ERICH6: variants seen among roughly 807,000 people sequenced by gnomAD.
The protein encoded by ERICH6 is glutamate rich 6.
In ERICH6, 71 loss-of-function variants were observed where a neutral mutation model predicts 71.0. The ratio of observed to expected loss-of-function variants is 1.00; its 90% CI spans 0.83 to 1.22. The LOEUF is 1.22. Ranked by LOEUF, ERICH6 falls within the 50% of genes most tolerant of loss-of-function variation. ERICH6 has a pLI of 0.00. For synonymous variants in ERICH6, 262 were observed against 278.4 expected, an observed-to-expected ratio of 0.94 and a Z score of 0.59; for missense variants, 808 against 797.2, an observed-to-expected ratio of 1.01 and a Z score of -0.16.
chr3:150,691,458 G>C (rs1271682604), intron 3 of ERICH6, among the ~76,000 whole-genome samples: 2 of 152,148 alleles, frequency 1.3e-5, no homozygotes, highest in East Asian at 3.9e-4. Flanking sequence ...AAAATAAAGA[G>C]GTTTATTTGT....
intron 12 of ERICH6, among the ~76,000 whole-genome samples, chr3:150,668,637 G>A (rs1015158293): frequency 6.6e-6 from 1 of 152,178 alleles, no homozygotes; most frequent in African/African-American, 2.4e-5. Context: ...AGAGGTTCCC[G>A]AGATGAGATT....
chr3:150,692,537 T>C (rs185136707), intron 3 of ERICH6, among the ~76,000 whole-genome samples: 1 of 152,292 alleles, frequency 6.6e-6, no homozygotes, highest in Non-Finnish European at 1.5e-5. Flanking sequence ...GCTTATTTGG[T>C]ATAAAAATTA....
intron 3 of ERICH6, among the ~76,000 whole-genome samples, chr3:150,698,108 C>CT (rs1397622818): frequency 6.6e-6 from 1 of 152,202 alleles, no homozygotes; most frequent in Admixed American, 6.5e-5. Flanking sequence ...TTTCCAACCC[C>CT]TTCCCTGCTT....
intron 6 of ERICH6, 83 bp from the exon 7 acceptor site, chr3:150,682,399 G>T (rs1712006299): frequency 8.1e-6 from 8 of 983,114 alleles, no homozygotes; most frequent in Non-Finnish European, 1.3e-5. Flanking sequence ...ACGACCCTGG[G>T]CATGGTCAGT....
chr3:150,681,042 G>T, intron 7 of ERICH6, 112 bp from the exon 8 acceptor site: 3 of 1,084,202 alleles, frequency 2.8e-6, no homozygotes, highest in South Asian at 2.2e-5. Flanking sequence ...TTTTTATTCT[G>T]GTAATAGCTT....
At chr3:150,672,255 T>TTATATATATATATATATATATATA (rs929327217) in intron 11 of ERICH6, among the ~76,000 whole-genome samples, 1 of 82,178 alleles carries the variant, frequency 1.2e-5, no homozygotes, top group East Asian at 4.6e-4. Context: ...AAGAATCCAT[T>TTATATATATATATATATATATATA]TATATATACA....
intron 3 of ERICH6, among the ~76,000 whole-genome samples, chr3:150,696,248 T>C (rs567048921): frequency 1.1e-5 from 1 of 92,458 alleles, no homozygotes; most frequent in Non-Finnish European, 2.9e-5. Flanking sequence ...GAGACAAAAT[T>C]TGGGGGAAAA....
intron 13 of ERICH6, among the ~76,000 whole-genome samples, chr3:150,664,446 C>T (rs1030316272): frequency 6.6e-5 from 10 of 151,998 alleles, no homozygotes; most frequent in East Asian, 5.8e-4. Context: ...GTCAGGAGTT[C>T]GACACCAGCC....
intron 11 of ERICH6, among the ~76,000 whole-genome samples, chr3:150,672,264 C>CATATATATAT (rs57492414): frequency 0.024 from 3,004 of 123,614 alleles, 272 homozygotes; most frequent in African/African-American, 0.091. Flanking sequence ...TTTATATATA[C>CATATATATAT]ATATATATAT....
chr3:150,699,841 G>C (rs1298523135), intron 2 of ERICH6, among the ~76,000 whole-genome samples: 1 of 151,874 alleles, frequency 6.6e-6, no homozygotes, highest in Non-Finnish European at 1.5e-5. Context: ...TCTGTACAAG[G>C]GCTGTATAGT....
At chr3:150,673,713 C>T (rs903274985) in intron 11 of ERICH6, among the ~76,000 whole-genome samples, 5 of 152,090 alleles carry the variant, frequency 3.3e-5, no homozygotes, top group African/African-American at 4.8e-5. Context: ...TTCAGTCTCC[C>T]GAGTAGCTGA....
intron 3 of ERICH6, among the ~76,000 whole-genome samples, chr3:150,696,823 C>T (rs1444228132): frequency 1.3e-5 from 2 of 151,952 alleles, no homozygotes; most frequent in Non-Finnish European, 2.9e-5. Context: ...CTCAACAACC[C>T]TTTTGATGGA....
intron 10 of ERICH6, 39 bp from the exon 11 acceptor site, chr3:150,674,080 G>C (rs761237294): frequency 2.6e-6 from 4 of 1,556,736 alleles, no homozygotes; most frequent in Non-Finnish European, 2.6e-6. Context: ...TAATTGTTTC[G>C]GACATAAAGT....
intron 13 of ERICH6, among the ~76,000 whole-genome samples, chr3:150,660,473 G>T (rs1727177814): frequency 1.3e-5 from 2 of 152,148 alleles, no homozygotes; most frequent in Admixed American, 1.3e-4. Context: ...GTACCCAGTG[G>T]GGGAGGTAGG....
At chr3:150,689,662 T>G (rs1289985670) in intron 3 of ERICH6, among the ~76,000 whole-genome samples, 6 of 152,196 alleles carry the variant, frequency 3.9e-5, no homozygotes, top group African/African-American at 1.4e-4. Context: ...TCTTGTCCCT[T>G]TTTTTGAGCA....
At chr3:150,682,047 T>G (rs534387229) in intron 7 of ERICH6, among the ~76,000 whole-genome samples, 171 bp downstream of exon 7, 1 of 152,118 alleles carries the variant, frequency 6.6e-6, no homozygotes. Context: ...ACTCCTGAGC[T>G]CAGGCAATCC....
At chr3:150,685,633 T>C (rs1712148731) in intron 6 of ERICH6, 109 bp downstream of exon 6, 6 of 217,486 alleles carry the variant, frequency 2.8e-5, no homozygotes, top group Non-Finnish European at 4.7e-5. Context: ...GCTCTTTGGC[T>C]TTTTTTTTTT....
Position 150,702,123 on chromosome 3 carries a change from A to G in ERICH6, c.459T>C (p.Asp153=), listed in dbSNP as rs1437182325. The change falls in exon 2 of 14, where the codon GAT becomes GAC. Residue 153 remains aspartate, a splice_region_variant and synonymous_variant. Transcript: ENST00000295910. ...GAAATTTGAAAACATTTTCTTACCT[A>G]TCTATACTCATTTCAGACATGTCTT... The part of the protein sequence containing the change: ...FRKDMSEMSI[D]RNIHRNLSPG... The G allele has an allele frequency of 3.9e-6, 6 of 1,558,308 alleles. No homozygotes were observed. The highest frequency in any genetic ancestry group is 5.3e-6 in the Non-Finnish European group (6 of 1,139,884).
chr3:150,689,585 G>GTGTGTATGTGTGCA (rs1712340845), intron 3 of ERICH6, among the ~76,000 whole-genome samples: 1 of 152,188 alleles, frequency 6.6e-6, no homozygotes, highest in Non-Finnish European at 1.5e-5. Context: ...AGATGTGTGT[G>GTGTGTATGTGTGCA]TGTGTATGTG....
Sources: allele counts gnomAD v4.1 joint callset (sites outside exome capture counted in the v4.1 genomes callset), GRCh38; gene constraint gnomAD v4.1.1; transcripts MANE v1.5; gene names NCBI Gene and HGNC (gene_info 2026-07-23, HGNC 2026-07-21).